SPATA13: variants seen among roughly 807,000 people sequenced by gnomAD.
The protein encoded by SPATA13 is spermatogenesis associated 13.
Under a neutral mutation model 104.0 loss-of-function variants are expected in SPATA13, and 50 were observed. That is an observed-to-expected ratio of 0.48 (90% CI 0.38 to 0.61). SPATA13 has a LOEUF of 0.61. Among genes scored for constraint, SPATA13 ranks in the 20% least tolerant of loss-of-function variants. The pLI, the probability that SPATA13 is intolerant of heterozygous loss-of-function variation, is 0.00. For synonymous variants in SPATA13, 606 were observed against 667.5 expected (o/e 0.91, Z 1.42); for missense variants, 1,524 against 1,690.6 (o/e 0.90, Z 1.73).
At position 24,286,241 on chromosome 13, in the gene SPATA13, G is replaced by A. The variant is rs766285133; in HGVS notation, c.2329G>A (p.Ala777Thr). Residue 777 changes from alanine (A) to threonine (T), a missense_variant, in exon 6 of 13, where the codon GCA becomes ACA. Physicochemically the swap from Ala to Thr is moderately conservative, Grantham distance 58. Coordinates refer to ENST00000382108, the MANE Select transcript of SPATA13 (RefSeq NM_001166271.3). The surrounding 1 kb of genome is among the most constrained non-coding windows in gnomAD (Gnocchi z 4.9). Reference sequence around the variant, plus strand: ...GATCAGTGATGGCAACGTGGTCTGCGCAGAAGCCCTGTGGGACCATGTGAC... The same window carrying A: ...GATCAGTGATGGCAACGTGGTCTGCACAGAAGCCCTGTGGGACCATGTGAC... ...ELISDGNVVC[A>T]EALWDHVTMD... 3.7e-6 allele frequency: 6 copies of A among 1,613,718 alleles called. No individual in the cohort carries two copies. The highest frequency in any genetic ancestry group is 3.3e-5 in the South Asian group (3 of 91,020).
chr13:24,161,341 G>A lies in SPATA13; in HGVS notation c.-112+409G>A, dbSNP rs971126455. ...GGGGAGCCTGGCGCGGCGGAGCCCT[G>A]TAACGCTCTGCTCCATCGGGTGGCG... is the stretch of plus-strand genomic sequence containing the variant. On this transcript the variant is annotated intron_variant, in intron 1 of 12. Coordinates refer to ENST00000382108, the MANE Select transcript of SPATA13 (RefSeq NM_001166271.3). The surrounding 1 kb of genome is among the most constrained non-coding windows in gnomAD (Gnocchi z 4.5). Among the ~76,000 whole-genome samples the A allele has an allele frequency of 2.0e-5, 3 of 152,340 alleles. No individual in the cohort carries two copies. The highest frequency in any genetic ancestry group is 2.0e-4 in the Admixed American group (3 of 15,312).
chr13:24,201,391 T>C (rs1870394380), intron 1 of SPATA13, among the ~76,000 whole-genome samples: 1 of 152,064 alleles, frequency 6.6e-6, no homozygotes, highest in East Asian at 1.9e-4. Flanking sequence ...TTTCTTACAA[T>C]TGATGGGTCA....
At position 24,077,409 on chromosome 13, in the gene SPATA13, C is replaced by T. The variant is rs138009618; in HGVS notation, c.-112+59708C>T. 1.7e-3 allele frequency among the ~76,000 whole-genome samples: 258 copies of T among 151,382 alleles called. 1 individual carries two copies. Among genetic ancestry groups the T allele is most frequent in the African/African-American group, 5.5e-3 (228 of 41,190 alleles). On this transcript the variant is annotated intron_variant, in intron 3 of 14. Transcript: ENST00000424834. ...ACAAGTACATGTGATCATACTGGAA[C>T]GAAAGAACAGATATAGTACACACGG...
intron 3 of SPATA13, among the ~76,000 whole-genome samples, chr13:24,043,666 T>A (rs1878016767): frequency 8.8e-6 from 1 of 113,978 alleles, no homozygotes; most frequent in African/African-American, 2.6e-5. Flanking sequence ...CTCGTAACTT[T>A]GAGGGAATTT....
At chr13:24,028,570 AGTGATGTGTCTAG>A (rs1877337652) in intron 3 of SPATA13, among the ~76,000 whole-genome samples, 1 of 152,154 alleles carries the variant, frequency 6.6e-6, no homozygotes, top group Non-Finnish European at 1.5e-5. Context: ...TCAGTTTTTT[AGTGATGTGTCTAG>A]GAGAGATCTG....
At chr13:24,227,032 G>A (rs1169483529) in intron 2 of SPATA13, among the ~76,000 whole-genome samples, 2 of 152,176 alleles carry the variant, frequency 1.3e-5, no homozygotes, top group East Asian at 1.9e-4. Flanking sequence ...GCAGTTGTAA[G>A]GACACAGGAG....
chr13:24,132,930 G>A (rs1282351409), intron 3 of SPATA13, among the ~76,000 whole-genome samples: 1 of 151,806 alleles, frequency 6.6e-6, no homozygotes, highest in Non-Finnish European at 1.5e-5. Context: ...GGCCAAGATT[G>A]TACCACTGTA....
intron 3 of SPATA13, among the ~76,000 whole-genome samples, chr13:24,063,903 C>A (rs1050725498): frequency 1.3e-5 from 2 of 152,152 alleles, no homozygotes; most frequent in African/African-American, 4.8e-5. Context: ...CCAGAGATGA[C>A]TTCCTTAATG....
intron 1 of SPATA13, among the ~76,000 whole-genome samples, chr13:23,980,880 C>A (rs1368675453): frequency 6.6e-6 from 1 of 152,210 alleles, no homozygotes; most frequent in Non-Finnish European, 1.5e-5. Flanking sequence ...GCTTGAGCCA[C>A]TGCGCCTGGC....
intron 3 of SPATA13, among the ~76,000 whole-genome samples, chr13:24,107,551 A>T (rs1880493929): frequency 6.6e-6 from 1 of 152,250 alleles, no homozygotes; most frequent in Admixed American, 6.5e-5. Flanking sequence ...ACATTCATAG[A>T]GAAAAATCAC....
At chr13:24,300,518 A>G in intron 12 of SPATA13, 43 bp downstream of exon 12, 1 of 1,577,124 alleles carries the variant, frequency 6.3e-7, no homozygotes, top group East Asian at 2.3e-5. Context: ...GCTTATCAGT[A>G]TTCTCCTGAA....
At chr13:24,218,725 T>C (rs925780581) in intron 1 of SPATA13, among the ~76,000 whole-genome samples, 1 of 143,302 alleles carries the variant, frequency 7.0e-6, no homozygotes, top group Non-Finnish European at 1.6e-5. Context: ...TTTTTGCGAT[T>C]TTTTTTTTAA....
At chr13:23,986,022 C>A (rs891393199) in intron 2 of SPATA13, among the ~76,000 whole-genome samples, 2 of 152,226 alleles carry the variant, frequency 1.3e-5, no homozygotes, top group African/African-American at 4.8e-5. Context: ...TGATCTGGAG[C>A]TGGAGGAGTC....
intron 2 of SPATA13, among the ~76,000 whole-genome samples, chr13:23,998,540 A>G (rs1278344715): frequency 2.0e-5 from 3 of 152,318 alleles, no homozygotes; most frequent in African/African-American, 7.2e-5. Context: ...AATTTTCTTA[A>G]CAGTGTCTTT....
chr13:24,147,848 G>C (rs1404462195), intron 3 of SPATA13, among the ~76,000 whole-genome samples: 2 of 152,192 alleles, frequency 1.3e-5, no homozygotes, highest in African/African-American at 4.8e-5. Context: ...GGAATCGTAC[G>C]GGATTGGTCT....
chr13:24,205,203 G>GC lies in SPATA13; in HGVS notation c.-111-17611dup, dbSNP rs1442030165. The stretch of plus-strand genomic sequence containing the variant: ...TGTATCCTGAAAACCCCAAAGTCTC[G>GC]CCCCCAAAGCTCCTTCAGCTGATAA... On this transcript the variant is annotated intron_variant, in intron 1 of 12. Transcript: ENST00000382108. The surrounding 1 kb of genome is among the most constrained non-coding windows in gnomAD (Gnocchi z 4.1). 7.2e-5 allele frequency among the ~76,000 whole-genome samples: 11 copies of GC among 152,050 alleles called. No homozygotes were observed. Among genetic ancestry groups the GC allele is most frequent in the Admixed American group, 7.2e-4 (11 of 15,262 alleles).
rs1390276211 is a variant in SPATA13, at chr13:24,224,209, C to T, written c.1280C>T (p.Thr427Ile). Reference protein sequence around the residue: ...SWAVESDSSCTCSSLPSPIVQ... With the variant: ...SWAVESDSSCICSSLPSPIVQ... ...GCGGTGGAAAGCGACAGTTCCTGCACTTGCAGCTCTTTGCCAAGCCCGATT... is the reference window on the plus strand; with the variant it reads ...GCGGTGGAAAGCGACAGTTCCTGCATTTGCAGCTCTTTGCCAAGCCCGATT... Residue 427 changes from threonine (T) to isoleucine (I), a missense_variant, in exon 2 of 13, where the codon ACT becomes ATT. This residue lies in a region of SPATA13 where 1,089 missense variants were observed against 1,135.9 expected (regional missense o/e 0.96). Transcript: ENST00000382108. 3.2e-6 allele frequency: 5 copies of T among 1,551,744 alleles called. No homozygotes were observed. The highest frequency in any genetic ancestry group is 3.3e-4 in the Middle Eastern group (2 of 5,992).
chr13:24,120,830 A>G (rs2137824004), intron 3 of SPATA13, among the ~76,000 whole-genome samples: 1 of 152,300 alleles, frequency 6.6e-6, no homozygotes, highest in Middle Eastern at 3.4e-3. Context: ...TAAAAGAAGA[A>G]ATGGGGCTAA....
chr13:24,247,608 A>G (rs9511165), intron 2 of SPATA13, among the ~76,000 whole-genome samples: 56,153 of 149,832 alleles, frequency 0.37, 12,341 homozygotes, highest in East Asian at 0.62. Flanking sequence ...TCAGCCCCCC[A>G]AGTAGCTGGG....
Sources: gnomAD v4.1 joint callset for allele counts (sites outside exome capture counted in the v4.1 genomes callset) on GRCh38, gnomAD v4.1.1 for gene constraint, gnomAD v4.1.1 regional missense constraint, Gnocchi (gnomAD v3.1) non-coding constraint, MANE v1.5 for transcripts, NCBI Gene and HGNC (gene_info 2026-07-23, HGNC 2026-07-21) for gene names.